The following PNPLA5 variants were observed in gnomAD, a reference collection of about 807,000 sequenced individuals.
PNPLA5 encodes the protein patatin-like phospholipase domain-containing protein 5.
In PNPLA5, 44 loss-of-function variants were observed where a neutral mutation model predicts 49.1. That is an observed-to-expected ratio of 0.90 (90% CI 0.70 to 1.15). The LOEUF is 1.15. Among genes scored for constraint, PNPLA5 ranks in the 50% most tolerant of loss-of-function variants. PNPLA5 has a pLI of 0.00. For missense variants in PNPLA5, 603 were observed against 564.0 expected (o/e 1.07, Z -0.70); for synonymous variants, 243 against 244.4 (o/e 0.99, Z 0.06).
chr22:43,884,545 C>T (rs1171618497), intron 6 of PNPLA5, 200 bp from the exon 7 acceptor site: 1 of 331,574 alleles, frequency 3.0e-6, no homozygotes, highest in Admixed American at 6.5e-5. Context: ...TGTATGCCCT[C>T]TCGTAGATGA....
At chr22:43,888,852 T>G (rs932987534) in intron 4 of PNPLA5, among the ~76,000 whole-genome samples, 1 of 152,184 alleles carries the variant, frequency 6.6e-6, no homozygotes, top group Admixed American at 6.5e-5. Flanking sequence ...CAATGGATGG[T>G]CAATTTGGCC....
intron 8 of PNPLA5, 122 bp from the exon 9 acceptor site, chr22:43,881,007 G>C: frequency 1.6e-6 from 2 of 1,239,316 alleles, no homozygotes; most frequent in Non-Finnish European, 2.0e-6. Flanking sequence ...CCTGCTCTGA[G>C]GGAGGACATG....
At position 43,891,768 on chromosome 22, in the gene PNPLA5, AGGCGCGGGGCTCGCT is replaced by A; in HGVS notation, c.98_112del (p.Gln33_Arg37del). Reference sequence around the variant, plus strand: ...GTAGATGCGGCGGGCGCCCTGGAGGAGGCGCGGGGCTCGCTGGCGCAGGCATTCGGTGGCGCCCAC... The same window carrying A: ...GTAGATGCGGCGGGCGCCCTGGAGGAGGCGCAGGCATTCGGTGGCGCCCAC... On this transcript the variant is annotated inframe_deletion, in exon 1 of 9. Coordinates refer to ENST00000216177, the MANE Select transcript of PNPLA5 (RefSeq NM_138814.4). The A allele has an allele frequency of 6.5e-7, 1 of 1,534,932 alleles. No homozygotes were observed. The highest frequency in any genetic ancestry group is 1.2e-5 in the South Asian group (1 of 81,942).
chr22:43,890,453 G>A (rs2049711048), intron 2 of PNPLA5, among the ~76,000 whole-genome samples: 1 of 152,262 alleles, frequency 6.6e-6, no homozygotes, highest in African/African-American at 2.4e-5. Context: ...CACACTGTGT[G>A]CCTGCACTTG....
At chr22:43,889,641 A>G (rs2049702207) in intron 3 of PNPLA5, 103 bp from the exon 4 acceptor site, 5 of 1,527,624 alleles carry the variant, frequency 3.3e-6, no homozygotes, top group Non-Finnish European at 4.4e-6. Context: ...CACCAGGGCC[A>G]CTCCAGCCCA....
Position 43,891,155 on chromosome 22 carries a change from CA to C in PNPLA5, c.332del (p.Leu111ArgfsTer10), listed in dbSNP as rs778704743. 109 of 1,602,654 alleles carry C rather than the reference CA, an allele frequency of 6.8e-5. No individual in the cohort carries two copies. The African/African-American group carries it at 1.3e-3, about 19-fold the overall frequency. On this transcript the variant is annotated frameshift_variant, in exon 2 of 9. Transcript: ENST00000216177. LOFTEE classifies it high-confidence loss of function. ...QDALPPDAHV[L>X]ASQRLGISLT... ...GCGAAATGCCCAGCCGCTGGGAGGC[CA>C]GGACGTGGGCGTCGGGGGGCAGAGC...
In PNPLA5 at chr22:43,889,807, T is replaced by A. The variant is rs1461986553; in HGVS notation, c.484A>T (p.Arg162Ter). 1.9e-6 allele frequency: 3 copies of A among 1,612,854 alleles called. No individual in the cohort carries two copies. In the African/African-American group the frequency reaches 4.0e-5, roughly 22 times the overall value. The stretch of plus-strand genomic sequence containing the variant: ...TTCCAGAGTGCACTCACCTCCCCTC[T>A]GAACTCGGGGGGGATCAGCCCGCAG... ...FYCGLIPPEFRGERYIDGALS... is the reference protein window; with the variant it reads ...FYCGLIPPEF Residue 162 changes from arginine to a stop codon, truncating the protein, a stop_gained, in exon 3 of 9, where the codon AGA (arginine) becomes TGA (stop). Transcript: ENST00000216177. LOFTEE classifies it high-confidence loss of function.
rs1336358186 is a variant in PNPLA5 at position 43,880,564 on chromosome 22, C to T, written c.*231G>A. 4.9e-6 allele frequency: 2 copies of T among 404,998 alleles called. No homozygotes were observed. The highest frequency in any genetic ancestry group is 2.1e-5 in the African/African-American group (1 of 48,750). 25.1% of individuals were successfully genotyped at this position (404,998 alleles called of 1,614,324 possible). On this transcript the variant is annotated 3_prime_UTR_variant, in exon 9 of 9. Coordinates refer to ENST00000216177, the MANE Select transcript of PNPLA5 (RefSeq NM_138814.4). ...GTAAGACATGTGTCTCTGTGGCTGTCCTCCTTTCTCTCCCTGATGAGACGG... is the reference window on the plus strand; with the variant it reads ...GTAAGACATGTGTCTCTGTGGCTGTTCTCCTTTCTCTCCCTGATGAGACGG...
intron 2 of PNPLA5, among the ~76,000 whole-genome samples, chr22:43,890,745 G>A (rs1395206021): frequency 1.3e-5 from 2 of 152,214 alleles, no homozygotes; most frequent in Non-Finnish European, 2.9e-5. Context: ...CCAAAAAGCG[G>A]CGGGAGGATG....
intron 4 of PNPLA5, 88 bp from the exon 5 acceptor site, chr22:43,887,739 T>A: frequency 6.5e-7 from 1 of 1,546,982 alleles, no homozygotes; most frequent in Non-Finnish European, 8.7e-7. Flanking sequence ...TATCTTCAAC[T>A]GGAAATAGTC....
intron 7 of PNPLA5, 27 bp downstream of exon 7, chr22:43,884,186 T>C: frequency 2.3e-6 from 3 of 1,328,914 alleles, no homozygotes; most frequent in South Asian, 1.4e-5. Context: ...AGCCAGGCCC[T>C]TCCCAGGCCC....
At position 43,881,647 on chromosome 22, in the gene PNPLA5, C is replaced by T. The variant is rs758730907; in HGVS notation, c.1110G>A (p.Pro370=). The change falls in exon 8 of 9, where the codon CCG becomes CCA. Residue 370 remains proline, a synonymous_variant. Coordinates refer to ENST00000216177, the MANE Select transcript of PNPLA5 (RefSeq NM_138814.4). ...RRLVVWLPDV[P]ADLWWMQGLL... Reference sequence around the variant, plus strand: ...GGCCCTGCATCCACCACAAGTCCGCCGGCACATCGGGCAGCCACACCACCA... The same window carrying T: ...GGCCCTGCATCCACCACAAGTCCGCTGGCACATCGGGCAGCCACACCACCA... 8 of 1,613,588 alleles carry T rather than the reference C, an allele frequency of 5.0e-6. No individual in the cohort carries two copies. Among genetic ancestry groups the T allele is most frequent in the South Asian group, 4.4e-5 (4 of 91,020 alleles).
chr22:43,880,579 T>C lies in PNPLA5; in HGVS notation c.*216A>G. On this transcript the variant is annotated 3_prime_UTR_variant, in exon 9 of 9. Coordinates refer to ENST00000216177, the MANE Select transcript of PNPLA5 (RefSeq NM_138814.4). ...CTGTGGCTGTCCTCCTTTCTCTCCCTGATGAGACGGGGCAAGAGGGAGGGC... is the reference window on the plus strand; with the variant it reads ...CTGTGGCTGTCCTCCTTTCTCTCCCCGATGAGACGGGGCAAGAGGGAGGGC... 1 of 412,252 alleles carries C rather than the reference T, an allele frequency of 2.4e-6. No individual in the cohort carries two copies. 25.5% of individuals were successfully genotyped at this position (412,252 alleles called of 1,614,324 possible).
intron 3 of PNPLA5, 66 bp downstream of exon 3, chr22:43,889,733 G>A (rs1382940611): frequency 6.4e-7 from 1 of 1,559,400 alleles, no homozygotes; most frequent in East Asian, 2.3e-5. Flanking sequence ...CTCCACCCAA[G>A]CACCTCTCCA....
At chr22:43,882,422 C>G (rs2049619924) in intron 7 of PNPLA5, among the ~76,000 whole-genome samples, 1 of 152,230 alleles carries the variant, frequency 6.6e-6, no homozygotes, top group Admixed American at 6.5e-5. Flanking sequence ...TCAACCTGCA[C>G]CACAGCACCC....
At position 43,881,572 on chromosome 22, in the gene PNPLA5, G is replaced by T. The variant is rs1274803783; in HGVS notation, c.1185C>A (p.Leu395=). The change falls in exon 8 of 9, where the codon CTC becomes CTA. Residue 395 remains leucine, a synonymous_variant. Coordinates refer to ENST00000216177, the MANE Select transcript of PNPLA5 (RefSeq NM_138814.4). ...GCCCACCTCACCTGATGGGCCCAAG[G>T]AGCTGGGCCTTGGTCCTGGAGAAAA... The part of the protein sequence containing the change: ...LEVFSRTKAQ[L]LGPISPPATR... 6.3e-7 allele frequency: 1 copy of T among 1,598,982 alleles called. No individual in the cohort carries two copies.
intron 5 of PNPLA5, 62 bp from the exon 6 acceptor site, chr22:43,886,550 T>G (rs1019551623): frequency 4.1e-5 from 63 of 1,542,442 alleles, no homozygotes; most frequent in Non-Finnish European, 4.7e-5. Context: ...CGCCCCATGC[T>G]GCCCACATCC....
In PNPLA5 at chr22:43,886,400, T is replaced by C. The variant is rs147684662; in HGVS notation, c.852A>G (p.Gln284=). The C allele has an allele frequency of 3.4e-4, 550 of 1,614,108 alleles. 4 individuals are homozygous for C. In the African/African-American group the frequency reaches 6.4e-3, roughly 19 times the overall value. ...ADGNWDAGCD[Q]RWKGGLSLNW... is the part of the protein sequence containing the mutation. ...TGAGAGACAGGCCCCCCTTCCAGCGTTGGTCACAGCCAGCATCCCAGTTTC... is the reference window on the plus strand; with the variant it reads ...TGAGAGACAGGCCCCCCTTCCAGCGCTGGTCACAGCCAGCATCCCAGTTTC... Residue 284 remains glutamine (Q), a synonymous_variant, in exon 6 of 9, where the codon CAA becomes CAG. Transcript: ENST00000216177.
rs1311988852 is a variant in PNPLA5, at chr22:43,886,367, T to C, written c.885A>G (p.Lys295=). Residue 295 remains lysine (K), a synonymous_variant, in exon 6 of 9, where the codon AAA becomes AAG. Coordinates refer to ENST00000216177, the MANE Select transcript of PNPLA5 (RefSeq NM_138814.4). The part of the protein sequence containing the change: ...RWKGGLSLNW[K]VPHVQVKDVP... Reference sequence around the variant, plus strand: ...CATCCTTGACTTGCACATGGGGCACTTTCCAGTTGAGAGACAGGCCCCCCT... The same window carrying C: ...CATCCTTGACTTGCACATGGGGCACCTTCCAGTTGAGAGACAGGCCCCCCT... 1 of 1,614,144 alleles carries C rather than the reference T, an allele frequency of 6.2e-7. No homozygotes were observed. Among genetic ancestry groups the C allele is most frequent in the Middle Eastern group, 1.6e-4 (1 of 6,062 alleles).
Sources: gnomAD v4.1 joint callset for allele counts (sites outside exome capture counted in the v4.1 genomes callset) on GRCh38, gnomAD v4.1.1 for gene constraint, MANE v1.5 for transcripts, NCBI Gene and HGNC (gene_info 2026-07-23, HGNC 2026-07-21) for gene names.